Variants in SORCS2 observed in about 807,000 individuals in gnomAD.
The protein encoded by SORCS2 is sortilin related VPS10 domain containing receptor 2, also known as VPS10 domain-containing receptor SorCS2.
Under a neutral mutation model 141.6 loss-of-function variants are expected in SORCS2, and 100 were observed. The ratio of observed to expected loss-of-function variants is 0.71; its 90% CI spans 0.60 to 0.83. The LOEUF (loss-of-function observed/expected upper bound fraction) is 0.83. Among genes scored for constraint, SORCS2 ranks in the 40% least tolerant of loss-of-function variants. SORCS2 has a pLI of 0.00. For missense variants in SORCS2, 1,646 were observed against 1,560.2 expected (o/e 1.05, Z -0.93); for synonymous variants, 789 against 676.9 (o/e 1.17, Z -2.57).
chr4:7,539,740 GCGGCCCC>G (rs1712432949), intron 3 of SORCS2, among the ~76,000 whole-genome samples: 8 of 149,494 alleles, frequency 5.4e-5, no homozygotes, highest in Non-Finnish European at 1.0e-4. Context: ...TCCTGCTGTG[GCGGCCCC>G]ACCCCATCCC....
intron 8 of SORCS2, among the ~76,000 whole-genome samples, chr4:7,669,480 T>G (rs576224410): frequency 6.6e-6 from 1 of 152,326 alleles, no homozygotes; most frequent in African/African-American, 2.4e-5. Flanking sequence ...GCTAGCCTGC[T>G]TCCTCTCCAC....
chr4:7,508,347 A>T (rs1331498687), intron 2 of SORCS2, among the ~76,000 whole-genome samples: 2 of 122,484 alleles, frequency 1.6e-5, no homozygotes, highest in Non-Finnish European at 3.2e-5. Context: ...CTGAGATCTC[A>T]GGCTTTTTTT....
intron 1 of SORCS2, among the ~76,000 whole-genome samples, chr4:7,324,503 G>T (rs191614192): frequency 2.0e-5 from 3 of 152,220 alleles, no homozygotes; most frequent in Non-Finnish European, 2.9e-5. Flanking sequence ...GGAACTGCGC[G>T]GGGTTAGTCC....
intron 2 of SORCS2, among the ~76,000 whole-genome samples, chr4:7,496,242 A>C (rs1022491316): frequency 2.0e-5 from 3 of 152,128 alleles, no homozygotes; most frequent in African/African-American, 7.2e-5. Context: ...GGAACCTGCA[A>C]AGAACTTCTG....
chr4:7,639,751 AT>A, intron 4 of SORCS2, among the ~76,000 whole-genome samples: 1 of 142,550 alleles, frequency 7.0e-6, no homozygotes, highest in Middle Eastern at 4.0e-3. Flanking sequence ...CTGTGAATGT[AT>A]GAGTGTATGT....
intron 14 of SORCS2, 95 bp from the exon 15 acceptor site, chr4:7,712,638 G>C: frequency 6.5e-7 from 1 of 1,542,062 alleles, no homozygotes; most frequent in Middle Eastern, 1.7e-4. Context: ...CCATGGTACA[G>C]GTAGGAACAG....
chr4:7,621,849 GC>G (rs1333718195), intron 3 of SORCS2, among the ~76,000 whole-genome samples: 1 of 152,232 alleles, frequency 6.6e-6, no homozygotes, highest in Non-Finnish European at 1.5e-5. Context: ...GCTGGCAGCA[GC>G]CTGGCCTCTG....
chr4:7,356,455 C>T (rs1721257842), intron 1 of SORCS2, among the ~76,000 whole-genome samples: 1 of 152,148 alleles, frequency 6.6e-6, no homozygotes, highest in African/African-American at 2.4e-5. Context: ...CATATCCTCA[C>T]ATGGCGTTGG....
At chr4:7,306,850 G>A (rs754497672) in intron 1 of SORCS2, among the ~76,000 whole-genome samples, 2 of 152,228 alleles carry the variant, frequency 1.3e-5, no homozygotes, top group Non-Finnish European at 2.9e-5. Context: ...TCAGTGGGAC[G>A]GCAGGCAGGC....
intron 1 of SORCS2, among the ~76,000 whole-genome samples, chr4:7,331,098 TA>T (rs34580946): frequency 0.19 from 28,107 of 150,942 alleles, 2,889 homozygotes; most frequent in East Asian, 0.4. Flanking sequence ...CAGGGAGGGC[TA>T]GGGGCGGCGA....
intron 3 of SORCS2, among the ~76,000 whole-genome samples, chr4:7,631,295 A>G (rs1245456317): frequency 6.6e-6 from 1 of 150,656 alleles, no homozygotes; most frequent in African/African-American, 2.4e-5. Flanking sequence ...AGGAGACCAG[A>G]TGGGATGCAG....
chr4:7,226,502 T>TG (rs1729001184), intron 1 of SORCS2, among the ~76,000 whole-genome samples: 1 of 151,704 alleles, frequency 6.6e-6, no homozygotes, highest in African/African-American at 2.4e-5. Context: ...GAGTGGGGGT[T>TG]GGGGGGAATG....
At chr4:7,406,720 A>G (rs2109141734) in intron 2 of SORCS2, among the ~76,000 whole-genome samples, 2 of 151,646 alleles carry the variant, frequency 1.3e-5, no homozygotes, top group East Asian at 3.9e-4. Context: ...GGTAGTCTCA[A>G]TTTCATTTAT....
chr4:7,396,673 T>C (rs1174702017), intron 2 of SORCS2, among the ~76,000 whole-genome samples: 2 of 152,190 alleles, frequency 1.3e-5, no homozygotes, highest in African/African-American at 4.8e-5. Flanking sequence ...TTCAGGTCAG[T>C]GCACAATTTC....
At chr4:7,411,303 C>G (rs61083426) in intron 2 of SORCS2, among the ~76,000 whole-genome samples, 38,923 of 151,778 alleles carry the variant, frequency 0.26, 5,402 homozygotes, top group East Asian at 0.5. Flanking sequence ...GGTCCGGGCT[C>G]CAGGGACCCC....
intron 5 of SORCS2, among the ~76,000 whole-genome samples, chr4:7,661,056 T>A (rs1722129099): frequency 6.6e-6 from 1 of 152,174 alleles, no homozygotes; most frequent in African/African-American, 2.4e-5. Flanking sequence ...TCCATATTTA[T>A]AAAACTAGGA....
chr4:7,650,025 G>A (rs956697735), intron 4 of SORCS2, among the ~76,000 whole-genome samples: 1 of 152,182 alleles, frequency 6.6e-6, no homozygotes, highest in Non-Finnish European at 1.5e-5. Context: ...GAAGAATTTG[G>A]GTTGAGTGGT....
chr4:7,237,837 T>C (rs1324439986), intron 1 of SORCS2, among the ~76,000 whole-genome samples: 3 of 151,914 alleles, frequency 2.0e-5, no homozygotes, highest in African/African-American at 7.3e-5. Context: ...CTTGACATAC[T>C]CTATTGTGGA....
chr4:7,669,301 C>A (rs570394422), intron 8 of SORCS2, among the ~76,000 whole-genome samples: 1 of 152,272 alleles, frequency 6.6e-6, no homozygotes, highest in Admixed American at 6.5e-5. Flanking sequence ...CGATGTCCTC[C>A]CTCAGGGGTC....
Sources: gnomAD v4.1 joint callset for allele counts (sites outside exome capture counted in the v4.1 genomes callset) on GRCh38, gnomAD v4.1.1 for gene constraint, MANE v1.5 for transcripts, NCBI Gene and HGNC (gene_info 2026-07-23, HGNC 2026-07-21) for gene names.